Variants in KCNJ1 observed in about 807,000 individuals in gnomAD.
KCNJ1 encodes ATP-sensitive inward rectifier potassium channel 1.
A neutral mutation model predicts 21.9 loss-of-function variants in KCNJ1; 24 were observed. The ratio of observed to expected loss-of-function variants is 1.10; its 90% CI spans 0.79 to 1.54. The LOEUF (loss-of-function observed/expected upper bound fraction) is 1.54, where lower values mean the gene tolerates loss of function less well. KCNJ1 is among the 40% of genes most tolerant of loss of function. The pLI, the probability that KCNJ1 is intolerant of heterozygous loss-of-function variation, is 0.00. For synonymous variants in KCNJ1, 152 were observed against 160.9 expected, an observed-to-expected ratio of 0.94 and a Z score of 0.42; for missense variants, 457 against 455.4, an observed-to-expected ratio of 1.00 and a Z score of -0.03.
At chr11:128,851,529 T>C (rs917429614) in intron 1 of KCNJ1, among the ~76,000 whole-genome samples, 1 of 152,214 alleles carries the variant, frequency 6.6e-6, no homozygotes, top group African/African-American at 2.4e-5. Flanking sequence ...CCACCTCAAA[T>C]GGCACTGGAG....
At chr11:128,852,980 C>A (rs917576736) in intron 1 of KCNJ1, among the ~76,000 whole-genome samples, 1 of 152,228 alleles carries the variant, frequency 6.6e-6, no homozygotes, top group African/African-American at 2.4e-5. Context: ...TTCCTTGTTT[C>A]TTTTCACTCA....
intron 1 of KCNJ1, among the ~76,000 whole-genome samples, chr11:128,856,183 G>A (rs1339523126): frequency 6.6e-6 from 1 of 152,178 alleles, no homozygotes; most frequent in African/African-American, 2.4e-5. Context: ...CGGCTGCTAG[G>A]GACAAATTAA....
intron 1 of KCNJ1, among the ~76,000 whole-genome samples, chr11:128,858,664 C>T (rs141971351): frequency 6.6e-6 from 1 of 152,210 alleles, no homozygotes; most frequent in African/African-American, 2.4e-5. Flanking sequence ...GTGTTCCAGG[C>T]GGTCTCCAGG....
At chr11:128,842,278 C>T in intron 2 of KCNJ1, 1 of 1,235,998 alleles carries the variant, frequency 8.1e-7, no homozygotes, top group African/African-American at 1.5e-5. Context: ...AGAAGTACCC[C>T]CTGATTGATC....
chr11:128,862,300 T>C (rs1161411663), intron 1 of KCNJ1, among the ~76,000 whole-genome samples: 1 of 152,148 alleles, frequency 6.6e-6, no homozygotes, highest in Non-Finnish European at 1.5e-5. Context: ...GTCTCTTCAG[T>C]GGTGAGCATT....
rs531157382 is a variant in KCNJ1 at position 128,851,472 on chromosome 11, C to T, written c.-191-582G>A. The stretch of plus-strand genomic sequence containing the variant: ...AGGAGGAGATGGTTGTTCTAAAAAC[C>T]GGATAAATCTGTAATGAAACTGTTC... On this transcript the variant is annotated intron_variant, in intron 1 of 2. Coordinates refer to ENST00000392666, the MANE Select transcript of KCNJ1 (RefSeq NM_153766.3). 2.5e-4 allele frequency among the ~76,000 whole-genome samples: 38 copies of T among 152,256 alleles called. No individual in the cohort carries two copies. In the South Asian group the frequency reaches 7.0e-3, roughly 28 times the overall value.
At chr11:128,855,296 C>T (rs1435687922) in intron 1 of KCNJ1, among the ~76,000 whole-genome samples, 1 of 152,122 alleles carries the variant, frequency 6.6e-6, no homozygotes, top group African/African-American at 2.4e-5. Context: ...TTTTCCCCAA[C>T]ATCATTTGAG....
At chr11:128,861,279 G>A (rs1371600655) in intron 1 of KCNJ1, among the ~76,000 whole-genome samples, 1 of 152,256 alleles carries the variant, frequency 6.6e-6, no homozygotes, top group Non-Finnish European at 1.5e-5. Flanking sequence ...CTGAGCAACT[G>A]AAGCAGGGCT....
chr11:128,861,367 G>A (rs1447603564), intron 1 of KCNJ1, among the ~76,000 whole-genome samples: 2 of 152,200 alleles, frequency 1.3e-5, no homozygotes, highest in Non-Finnish European at 2.9e-5. Context: ...TACCATGGAG[G>A]GGCATGAGCT....
rs73575681 is a variant in KCNJ1 at position 128,840,768 on chromosome 11, T to C, written c.-21-504A>G. On this transcript the variant is annotated intron_variant, in intron 2 of 2. Transcript: ENST00000392666. The stretch of plus-strand genomic sequence containing the variant: ...TCATCAATATACTACCTAAATCATC[T>C]ATGTACTTCTATTGATACTCATATA... 4.6e-3 allele frequency among the ~76,000 whole-genome samples: 701 copies of C among 152,310 alleles called. 4 individuals are homozygous for C. Among genetic ancestry groups the C allele is most frequent in the African/African-American group, 0.016 (647 of 41,564 alleles).
intron 1 of KCNJ1, among the ~76,000 whole-genome samples, chr11:128,862,541 G>C (rs1943736155): frequency 6.6e-6 from 1 of 152,176 alleles, no homozygotes; most frequent in Non-Finnish European, 1.5e-5. Flanking sequence ...GACTGGGTCG[G>C]GGAGCCTGGT....
chr11:128,855,357 T>G (rs1440096818), intron 1 of KCNJ1, among the ~76,000 whole-genome samples: 20 of 152,068 alleles, frequency 1.3e-4, no homozygotes, highest in Non-Finnish European at 2.6e-4. Flanking sequence ...CTGGAGCAGA[T>G]GGAGAAAAGA....
At chr11:128,851,977 T>C (rs1038491011) in intron 1 of KCNJ1, among the ~76,000 whole-genome samples, 1 of 152,280 alleles carries the variant, frequency 6.6e-6, no homozygotes, top group East Asian at 1.9e-4. Flanking sequence ...CCTTAGCGTG[T>C]TTGAAGTTTC....
chr11:128,843,319 T>C (rs1401076840), intron 2 of KCNJ1, among the ~76,000 whole-genome samples: 1 of 152,244 alleles, frequency 6.6e-6, no homozygotes, highest in African/African-American at 2.4e-5. Flanking sequence ...GGTTATATAA[T>C]ATGCTCAGTT....
intron 1 of KCNJ1, among the ~76,000 whole-genome samples, chr11:128,866,202 C>T (rs915094882): frequency 3.3e-5 from 5 of 152,234 alleles, no homozygotes; most frequent in African/African-American, 9.6e-5. Flanking sequence ...CCAATGTAAC[C>T]GAAGATTCAA....
In KCNJ1 at chr11:128,839,411, A is replaced by G. The variant is rs1434804238; in HGVS notation, c.833T>C (p.Leu278Ser). The change falls in exon 3 of 3, where the codon TTA (leucine) becomes TCA (serine). Residue 278 changes from leucine (L) to serine (S), a missense_variant. Coordinates refer to ENST00000392666, the MANE Select transcript of KCNJ1 (RefSeq NM_153766.3). ...ACTGGTGGACTCCACTGTGCCATCTAAAAACACCACTAATTCAAAGTCCTG... is the reference window on the plus strand; with the variant it reads ...ACTGGTGGACTCCACTGTGCCATCTGAAAACACCACTAATTCAAAGTCCTG... ...LQQDFELVVF[L>S]DGTVESTSAT... 5 of 1,614,212 alleles carry G rather than the reference A, an allele frequency of 3.1e-6. No homozygotes were observed. Among genetic ancestry groups the G allele is most frequent in the Non-Finnish European group, 4.2e-6 (5 of 1,180,026 alleles).
chr11:128,839,773 C>T lies in KCNJ1; in HGVS notation c.471G>A (p.Gly157=). The change falls in exon 3 of 3, where the codon GGG becomes GGA. Residue 157 remains glycine, a synonymous_variant. Transcript: ENST00000392666. ...LGVIINSFMC[G]AILAKISRPK... Reference sequence around the variant, plus strand: ...GCCTGGAGATCTTGGCTAAGATGGCCCCACACATGAAAGAATTGATTATAA... The same window carrying T: ...GCCTGGAGATCTTGGCTAAGATGGCTCCACACATGAAAGAATTGATTATAA... 1.2e-6 allele frequency: 2 copies of T among 1,613,918 alleles called. No individual in the cohort carries two copies. Among genetic ancestry groups the T allele is most frequent in the South Asian group, 1.1e-5 (1 of 91,068 alleles).
At position 128,857,110 on chromosome 11, in the gene KCNJ1, C is replaced by T. The variant is rs544368836; in HGVS notation, c.-191-6220G>A. Among the ~76,000 whole-genome samples the T allele has an allele frequency of 3.9e-5, 6 of 152,268 alleles. No homozygotes were observed. In the East Asian group the frequency reaches 5.8e-4, roughly 15 times the overall value. Reference sequence around the variant, plus strand: ...CCCACCCCCTCTGCTCTGCAATGTGCGGCGCAGCTCCTGCCCTGGGCTTCG... The same window carrying T: ...CCCACCCCCTCTGCTCTGCAATGTGTGGCGCAGCTCCTGCCCTGGGCTTCG... On this transcript the variant is annotated intron_variant, in intron 1 of 2. Transcript: ENST00000392666.
intron 1 of KCNJ1, among the ~76,000 whole-genome samples, chr11:128,854,441 T>C (rs1356443477): frequency 1.3e-5 from 2 of 151,960 alleles, no homozygotes; most frequent in Non-Finnish European, 2.9e-5. Flanking sequence ...ACGGGCCCAT[T>C]CAAAACCCCG....
Sources: gnomAD v4.1 joint callset for allele counts (sites outside exome capture counted in the v4.1 genomes callset) on GRCh38, gnomAD v4.1.1 for gene constraint, MANE v1.5 for transcripts, NCBI Gene and HGNC (gene_info 2026-07-23, HGNC 2026-07-21) for gene names.